The following NPEPL1 variants were observed in gnomAD, a reference collection of about 807,000 sequenced individuals.
NPEPL1 encodes the protein probable aminopeptidase NPEPL1.
A neutral mutation model predicts 52.4 loss-of-function variants in NPEPL1; 45 were observed. That is an observed-to-expected ratio of 0.86 (90% CI 0.68 to 1.10). The LOEUF is 1.10. Among genes scored for constraint, NPEPL1 ranks in the 50% least tolerant of loss-of-function variants. The probability of loss-of-function intolerance (pLI) is 0.00; values close to 1 mark genes in which losing one functional copy is unlikely to be tolerated. For synonymous variants in NPEPL1, 360 were observed against 314.7 expected, an observed-to-expected ratio of 1.14 and a Z score of -1.52; for missense variants, 696 against 710.9, an observed-to-expected ratio of 0.98 and a Z score of 0.24.
At chr20:58,700,993 A>G (rs1416021770) in intron 5 of NPEPL1, 23 bp from the exon 6 acceptor site, 4 of 1,539,516 alleles carry the variant, frequency 2.6e-6, no homozygotes, top group Non-Finnish European at 2.6e-6. Flanking sequence ...AGCCTAACCC[A>G]GTTCTCCCCA....
chr20:58,693,978 C>T (rs1199029327), intron 2 of NPEPL1, 56 bp downstream of exon 2: 4 of 1,485,274 alleles, frequency 2.7e-6, no homozygotes. Context: ...GCGGTGAGCT[C>T]GGGCCTGGGG....
Position 58,693,933 on chromosome 20 carries a change from C to G in NPEPL1, c.336+11C>G. 6.4e-7 allele frequency: 1 copy of G among 1,560,980 alleles called. No individual in the cohort carries two copies. The highest frequency in any genetic ancestry group is 8.7e-7 in the Non-Finnish European group (1 of 1,149,680). ...CATCGCTGCATTGTGGTGAGTGCTT[C>G]GAGAGGAGGCAGCCACGGTGCTCCT... On this transcript the variant is annotated intron_variant, in intron 2 of 11. Coordinates refer to ENST00000356091, the MANE Select transcript of NPEPL1 (RefSeq NM_024663.4).
intron 5 of NPEPL1, among the ~76,000 whole-genome samples, chr20:58,699,913 C>T (rs1306960420): frequency 1.3e-5 from 2 of 152,254 alleles, no homozygotes; most frequent in African/African-American, 4.8e-5. Context: ...CACTTATCCC[C>T]TCCCCGTGCT....
intron 7 of NPEPL1, among the ~76,000 whole-genome samples, chr20:58,708,453 T>G (rs976921067): frequency 6.6e-6 from 1 of 151,970 alleles, no homozygotes; most frequent in Middle Eastern, 3.4e-3. Context: ...AAACGGCCTC[T>G]TAGGGCTCAC....
chr20:58,703,538 C>T (rs1255776193), intron 6 of NPEPL1: 3 of 985,176 alleles, frequency 3.0e-6, no homozygotes, highest in Non-Finnish European at 3.6e-6. Context: ...CGTGGACCCT[C>T]TTCTCCTTGG....
chr20:58,691,975 G>A (rs537494628), upstream of NPEPL1: 21 of 658,544 alleles, frequency 3.2e-5, no homozygotes, highest in Admixed American at 2.8e-4. Context: ...TCCACCACCC[G>A]GCTCCTGCCC....
chr20:58,704,391 TAAC>T (rs2084697849), intron 6 of NPEPL1: 1 of 985,154 alleles, frequency 1.0e-6, no homozygotes. Flanking sequence ...TTTACGCTCT[TAAC>T]AAGTACCGAC....
intron 6 of NPEPL1, among the ~76,000 whole-genome samples, chr20:58,702,395 G>C (rs761990931): frequency 6.6e-6 from 1 of 152,202 alleles, no homozygotes; most frequent in Non-Finnish European, 1.5e-5. Context: ...TCAGGGTGGC[G>C]CTGGTGCAGC....
At chr20:58,705,898 G>A (rs2084726149) in intron 6 of NPEPL1, among the ~76,000 whole-genome samples, 1 of 152,146 alleles carries the variant, frequency 6.6e-6, no homozygotes, top group Non-Finnish European at 1.5e-5. Flanking sequence ...CAGAAGAGAT[G>A]GCTTATTTTC....
At chr20:58,694,960 A>C (rs1242138533) in intron 3 of NPEPL1, among the ~76,000 whole-genome samples, 1 of 50,330 alleles carries the variant, frequency 2.0e-5, no homozygotes, top group Non-Finnish European at 4.3e-5. Flanking sequence ...CTGTGCGTGT[A>C]TGAGTGTATG....
Position 58,713,709 on chromosome 20 carries a change from A to C in NPEPL1, c.1125+166A>C. The C allele has an allele frequency of 8.8e-7, 1 of 1,133,962 alleles. No homozygotes were observed. Among genetic ancestry groups the C allele is most frequent in the Non-Finnish European group, 1.2e-6 (1 of 832,740 alleles). The allele number at this position is 1,133,962 out of a possible 1,614,324, so 70.2% of individuals were successfully genotyped here. ...GCCCGTCAAGCTTGGTGTGGGCAGT[A>C]CCGAGGCCCAGGCTGGATGCAGAGC... On this transcript the variant is annotated intron_variant, in intron 9 of 11. Coordinates refer to ENST00000356091, the MANE Select transcript of NPEPL1 (RefSeq NM_024663.4). This position sits in a 1 kb window ranked among gnomAD's most constrained non-coding sequence, Gnocchi z 4.6.
Position 58,714,082 on chromosome 20 carries a change from A to C in NPEPL1, c.1291A>C (p.Asn431His). The C allele has an allele frequency of 6.5e-7, 1 of 1,548,902 alleles. No individual in the cohort carries two copies. Among genetic ancestry groups the C allele is most frequent in the Non-Finnish European group, 8.7e-7 (1 of 1,148,522 alleles). The change falls in exon 10 of 12, where the codon AAC (asparagine) becomes CAC (histidine). Residue 431 changes from asparagine (N) to histidine (H), a missense_variant. Transcript: ENST00000356091. ...EFTSAVADMK[N>H]SVADRDNSPS... is the part of the protein sequence containing the mutation. ...CACCTCAGCTGTGGCGGACATGAAG[A>C]ACTCAGTGGCGGTAGGTTTGGAGCC...
Position 58,715,273 on chromosome 20 carries a change from G to C in NPEPL1, c.1519G>C (p.Asp507His). Residue 507 changes from aspartate (D) to histidine (H), a missense_variant, in exon 12 of 12, where the codon GAT (aspartate) becomes CAT (histidine). Coordinates refer to ENST00000356091, the MANE Select transcript of NPEPL1 (RefSeq NM_024663.4). Reference protein sequence around the residue: ...NLVSPLGCEVDVEEGDLGRDS... With the variant: ...NLVSPLGCEVHVEEGDLGRDS... ...GGTGTCCCCACTGGGCTGTGAGGTG[G>C]ATGTCGAGGAGGGGGACCTGGGGAG... is the stretch of plus-strand genomic sequence containing the variant. 1 of 1,611,382 alleles carries C rather than the reference G, an allele frequency of 6.2e-7. No individual in the cohort carries two copies. The highest frequency in any genetic ancestry group is 8.5e-7 in the Non-Finnish European group (1 of 1,179,302).
At position 58,713,779 on chromosome 20, in the gene NPEPL1, CTG is replaced by C; in HGVS notation, c.1126-134_1126-133del. Reference sequence around the variant, plus strand: ...GCTTCATGGCCATGGTCCTTTCTGCCTGTGTTTTTTCTTTTTTTCTCAACCGT... The same window carrying C: ...GCTTCATGGCCATGGTCCTTTCTGCCTGTTTTTTCTTTTTTTCTCAACCGT... On this transcript the variant is annotated intron_variant, in intron 9 of 11. Coordinates refer to ENST00000356091, the MANE Select transcript of NPEPL1 (RefSeq NM_024663.4). This position sits in a 1 kb window ranked among gnomAD's most constrained non-coding sequence, Gnocchi z 4.6. 8.9e-7 allele frequency: 1 copy of C among 1,122,714 alleles called. No individual in the cohort carries two copies. Among genetic ancestry groups the C allele is most frequent in the South Asian group, 1.9e-5 (1 of 51,674 alleles). The allele number at this position is 1,122,714 out of a possible 1,614,324, so 69.5% of individuals were successfully genotyped here.
Position 58,714,619 on chromosome 20 carries a change from C to A in NPEPL1, c.1362C>A (p.Phe454Leu). The A allele has an allele frequency of 6.3e-7, 1 of 1,597,392 alleles. No homozygotes were observed. Among genetic ancestry groups the A allele is most frequent in the Non-Finnish European group, 8.5e-7 (1 of 1,173,592 alleles). ...TCTTCATCGCCTCACACATCGGCTT[C>A]GACTGGCCCGGAGTCTGGGTCCACC... ...AGLFIASHIG[F>L]DWPGVWVHLD... Residue 454 changes from phenylalanine to leucine, a missense_variant, in exon 11 of 12, where the codon TTC (phenylalanine) becomes TTA (leucine). Transcript: ENST00000356091.
At chr20:58,709,569 C>T (rs775677715) in intron 7 of NPEPL1, among the ~76,000 whole-genome samples, 2 of 152,196 alleles carry the variant, frequency 1.3e-5, no homozygotes, top group Non-Finnish European at 2.9e-5. Context: ...CAGTCAAATG[C>T]TCTCAGAGTG....
upstream of NPEPL1, chr20:58,691,718 T>TTTTTTTTTC: frequency 1.3e-6 from 1 of 794,408 alleles, no homozygotes; most frequent in Non-Finnish European, 2.0e-6. Context: ...TTTTTTTCAT[T>TTTTTTTTTC]TTTAGGCTGG....
chr20:58,692,798 G>C (rs919390985), upstream of NPEPL1: 1 of 972,698 alleles, frequency 1.0e-6, no homozygotes, highest in African/African-American at 1.8e-5. The surrounding 1 kb of genome is among the most constrained non-coding windows in gnomAD (Gnocchi z 5.7). Flanking sequence ...GGGCTGCCGG[G>C]CAGGGCCGGG....
upstream of NPEPL1, chr20:58,691,693 C>CTGTTTTTTTTTTTTTTTTTTT: frequency 1.8e-6 from 1 of 561,314 alleles, no homozygotes; most frequent in South Asian, 2.2e-5. Flanking sequence ...TTTTTCTTTT[C>CTGTTTTTTTTTTTTTTTTTTT]TTTTTTTTTT....
Sources: allele counts gnomAD v4.1 joint callset (sites outside exome capture counted in the v4.1 genomes callset), GRCh38; gene constraint gnomAD v4.1.1; non-coding constraint Gnocchi (gnomAD v3.1); transcripts MANE v1.5; gene names NCBI Gene and HGNC (gene_info 2026-07-23, HGNC 2026-07-21).